Variants in CDH20 observed in about 807,000 individuals in gnomAD.
CDH20 encodes the protein cadherin 20, also known as cadherin-20.
In CDH20, 29 loss-of-function variants were observed where a neutral mutation model predicts 74.2. The ratio of observed to expected loss-of-function variants is 0.39; its 90% CI spans 0.29 to 0.53. The LOEUF is 0.53. Among genes scored for constraint, CDH20 ranks in the 20% least tolerant of loss-of-function variants. The pLI, the probability that CDH20 is intolerant of heterozygous loss-of-function variation, is 0.69. For synonymous variants in CDH20, 469 were observed against 405.4 expected (o/e 1.16, Z -1.88); for missense variants, 988 against 1,048.3 (o/e 0.94, Z 0.79).
At chr18:61,512,244 G>C (rs1217587197) in intron 6 of CDH20, among the ~76,000 whole-genome samples, 1 of 152,158 alleles carries the variant, frequency 6.6e-6, no homozygotes, top group Admixed American at 6.5e-5. Context: ...TTAAATGCTT[G>C]AAGTATAACT....
intron 1 of CDH20, among the ~76,000 whole-genome samples, chr18:61,484,038 A>T (rs986200548): frequency 6.6e-6 from 1 of 152,248 alleles, no homozygotes; most frequent in Non-Finnish European, 1.5e-5. Context: ...GGGTCAAGGA[A>T]AACTGCAGGA....
chr18:61,381,599 G>A (rs1012591235), intron 1 of CDH20, among the ~76,000 whole-genome samples: 2 of 152,184 alleles, frequency 1.3e-5, no homozygotes, highest in African/African-American at 4.8e-5. Context: ...CACCAATCAT[G>A]TTCTATGGGA....
intron 5 of CDH20, among the ~76,000 whole-genome samples, chr18:61,505,198 G>A (rs1911517647): frequency 2.0e-5 from 3 of 152,124 alleles, no homozygotes; most frequent in Admixed American, 1.3e-4. Flanking sequence ...ACATAGCTCA[G>A]GTTATTACAT....
chr18:61,477,823 C>T (rs955859294), intron 1 of CDH20, among the ~76,000 whole-genome samples: 3 of 152,092 alleles, frequency 2.0e-5, no homozygotes, highest in Non-Finnish European at 4.4e-5. Context: ...CATTGGTTAG[C>T]TTAGTTCTTT....
At chr18:61,354,041 CAAAAAAAA>C (rs35091174) in intron 1 of CDH20, among the ~76,000 whole-genome samples, 5 of 139,004 alleles carry the variant, frequency 3.6e-5, no homozygotes, top group African/African-American at 1.3e-4. Flanking sequence ...GAGACCCTGT[CAAAAAAAA>C]AAAAAGAAAA....
chr18:61,375,659 T>C (rs1911196061), intron 1 of CDH20, among the ~76,000 whole-genome samples: 1 of 152,118 alleles, frequency 6.6e-6, no homozygotes, highest in African/African-American at 2.4e-5. Flanking sequence ...TCTTCATCCT[T>C]TAAAGACCAA....
chr18:61,437,871 T>C (rs1908888383), intron 1 of CDH20, among the ~76,000 whole-genome samples: 2 of 152,232 alleles, frequency 1.3e-5, no homozygotes, highest in African/African-American at 4.8e-5. Context: ...CTATTCATTC[T>C]GTCCATACTA....
chr18:61,417,905 A>C (rs1912743302), intron 1 of CDH20, among the ~76,000 whole-genome samples: 1 of 152,204 alleles, frequency 6.6e-6, no homozygotes, highest in Non-Finnish European at 1.5e-5. Context: ...CTTGCATCAA[A>C]ATATCACATG....
At chr18:61,469,461 G>GCACACA (rs1910087241) in intron 1 of CDH20, among the ~76,000 whole-genome samples, 1 of 151,976 alleles carries the variant, frequency 6.6e-6, no homozygotes, top group African/African-American at 2.4e-5. Context: ...ACACACAGGT[G>GCACACA]ATCTGGCTGC....
At position 61,508,583 on chromosome 18, in the gene CDH20, G is replaced by A. The variant is rs540782023; in HGVS notation, c.1017+1023G>A. Among the ~76,000 whole-genome samples, 3 of 152,208 alleles carry A rather than the reference G, an allele frequency of 2.0e-5. No homozygotes were observed. The East Asian group carries it at 5.8e-4, about 29-fold the overall frequency. The stretch of plus-strand genomic sequence containing the variant: ...TACTACACAGCCATAAAAAGGAATG[G>A]ACTAACAGCATTTTCAGTGACCTGG... On this transcript the variant is annotated intron_variant, in intron 6 of 11. Transcript: ENST00000262717.
intron 1 of CDH20, among the ~76,000 whole-genome samples, chr18:61,390,335 T>A (rs982158954): frequency 4.6e-5 from 7 of 152,220 alleles, no homozygotes; most frequent in Admixed American, 6.5e-5. Flanking sequence ...ATATGCCAAA[T>A]TTTACTTGAT....
intron 6 of CDH20, among the ~76,000 whole-genome samples, chr18:61,516,298 G>A (rs532731679): frequency 7.2e-5 from 11 of 152,266 alleles, no homozygotes; most frequent in South Asian, 6.2e-4. Context: ...TTTTTGCTAC[G>A]CTTTGAGTTT....
chr18:61,367,475 T>C (rs1179090258), intron 1 of CDH20, among the ~76,000 whole-genome samples: 1 of 152,216 alleles, frequency 6.6e-6, no homozygotes, highest in African/African-American at 2.4e-5. Context: ...TGGTTCTCAC[T>C]GGTCTAAAAT....
chr18:61,405,117 C>T (rs1912287870), intron 1 of CDH20: 6 of 646,060 alleles, frequency 9.3e-6, no homozygotes, highest in South Asian at 8.4e-5. Context: ...CTGCTTGTAC[C>T]CCAGCACATG....
chr18:61,481,323 A>T (rs1056689318), intron 1 of CDH20, among the ~76,000 whole-genome samples: 3 of 152,338 alleles, frequency 2.0e-5, no homozygotes, highest in Middle Eastern at 6.8e-3. Flanking sequence ...AATCTATAGT[A>T]TTAGGTCGTG....
intron 2 of CDH20, among the ~76,000 whole-genome samples, chr18:61,498,635 T>C (rs931183909): frequency 6.6e-5 from 10 of 152,144 alleles, no homozygotes; most frequent in Non-Finnish European, 1.2e-4. Flanking sequence ...ACTACAGAAC[T>C]AGGATCACAG....
In CDH20 at chr18:61,462,926, G is replaced by A. The variant is rs1275597558; in HGVS notation, c.-152-27476G>A. ...TTGCTCCACAAATATAAATAATTTA[G>A]CATGGCAATTATTCTTTGATAGCAG... On this transcript the variant is annotated intron_variant, in intron 1 of 11. Transcript: ENST00000262717. 8.5e-5 allele frequency among the ~76,000 whole-genome samples: 13 copies of A among 152,258 alleles called. No homozygotes were observed. In the East Asian group the frequency reaches 2.5e-3, roughly 29 times the overall value.
At chr18:61,418,381 C>T (rs1029579841) in intron 1 of CDH20, among the ~76,000 whole-genome samples, 1 of 151,740 alleles carries the variant, frequency 6.6e-6, no homozygotes, top group Non-Finnish European at 1.5e-5. Flanking sequence ...GGTGAAACCC[C>T]GTCTCTACTA....
intron 1 of CDH20, among the ~76,000 whole-genome samples, chr18:61,382,145 C>T (rs1911453050): frequency 6.6e-6 from 1 of 152,156 alleles, no homozygotes; most frequent in Non-Finnish European, 1.5e-5. Context: ...CATTTCATTG[C>T]TATTAAAATT....
Sources: allele counts gnomAD v4.1 joint callset (sites outside exome capture counted in the v4.1 genomes callset), GRCh38; gene constraint gnomAD v4.1.1; transcripts MANE v1.5; gene names NCBI Gene and HGNC (gene_info 2026-07-23, HGNC 2026-07-21).